FIG4: variants seen among roughly 807,000 people sequenced by gnomAD.
The protein encoded by FIG4 is polyphosphoinositide phosphatase.
FIG4 carries 112 observed loss-of-function variants against 118.6 expected under a neutral mutation model. The ratio of observed to expected loss-of-function variants is 0.94; its 90% CI spans 0.81 to 1.11. The LOEUF (loss-of-function observed/expected upper bound fraction) is 1.11. Ranked by LOEUF, FIG4 falls within the 50% of genes least tolerant of loss-of-function variation. FIG4 has a pLI of 0.00. For synonymous variants in FIG4, 369 were observed against 381.2 expected, an observed-to-expected ratio of 0.97 and a Z score of 0.37; for missense variants, 969 against 1,111.7, an observed-to-expected ratio of 0.87 and a Z score of 1.83.
chr6:109,760,051 A>G (rs1777054314), intron 10 of FIG4, among the ~76,000 whole-genome samples, 199 bp from the exon 11 acceptor site: 4 of 152,186 alleles, frequency 2.6e-5, no homozygotes, highest in African/African-American at 7.2e-5. Context: ...TTCAAAGTTC[A>G]TTAGCTGTTC....
Position 109,743,175 on chromosome 6 carries a change from T to C in FIG4, c.942T>C (p.Thr314=). 1 of 1,612,944 alleles carries C rather than the reference T, an allele frequency of 6.2e-7. No individual in the cohort carries two copies. The highest frequency in any genetic ancestry group is 8.5e-7 in the Non-Finnish European group (1 of 1,179,160). Residue 314 remains threonine (T), a synonymous_variant, in exon 9 of 23, where the codon ACT becomes ACC. Coordinates refer to ENST00000230124, the MANE Select transcript of FIG4 (RefSeq NM_014845.6). ...GCGATGCTTCTGTGATGTCTTTCACTGCAGGAAGTTATTCTTCATATGTAC... is the reference window on the plus strand; with the variant it reads ...GCGATGCTTCTGTGATGTCTTTCACCGCAGGAAGTTATTCTTCATATGTAC... ...ILCDASVMSF[T]AGSYSSYVQV...
intron 15 of FIG4, among the ~76,000 whole-genome samples, chr6:109,771,006 C>T (rs375457272): frequency 1.3e-4 from 20 of 152,110 alleles, no homozygotes; most frequent in Admixed American, 2.0e-4. Flanking sequence ...AGAGGGACAT[C>T]AAAGGGAACA....
intron 15 of FIG4, among the ~76,000 whole-genome samples, chr6:109,775,849 G>A (rs1264774464): frequency 6.6e-6 from 1 of 152,118 alleles, no homozygotes. Context: ...CATTCATTTA[G>A]TTTTGCTGTA....
intron 21 of FIG4, 72 bp downstream of exon 21, chr6:109,792,736 C>CT (rs34998755): frequency 0.02 from 8,524 of 426,544 alleles, 35 homozygotes; most frequent in East Asian, 0.056. Context: ...ACTACTATAC[C>CT]TTTTTTTTTT....
intron 4 of FIG4, among the ~76,000 whole-genome samples, chr6:109,729,403 A>G (rs1775914299): frequency 6.6e-6 from 1 of 152,220 alleles, no homozygotes; most frequent in Admixed American, 6.5e-5. Context: ...CATTACTTTT[A>G]ATCAAGGTAA....
chr6:109,727,286 C>G, intron 4 of FIG4, 21 bp downstream of exon 4: 1 of 1,348,000 alleles, frequency 7.4e-7, no homozygotes, highest in Non-Finnish European at 1.0e-6. Context: ...TGGTAACTAC[C>G]TTTTTTTTTT....
chr6:109,761,345 C>A (rs57368431), intron 11 of FIG4, among the ~76,000 whole-genome samples: 9 of 152,006 alleles, frequency 5.9e-5, no homozygotes, highest in Non-Finnish European at 1.2e-4. Context: ...CATGCACCAC[C>A]GTGCCTGGCT....
At chr6:109,771,193 C>T (rs755161897) in intron 15 of FIG4, among the ~76,000 whole-genome samples, 48 of 152,220 alleles carry the variant, frequency 3.2e-4, no homozygotes, top group Non-Finnish European at 6.0e-4. Flanking sequence ...TGTTAAAGCC[C>T]AACTCTTCAC....
chr6:109,778,909 G>C (rs539905520), intron 16 of FIG4, among the ~76,000 whole-genome samples: 104 of 152,050 alleles, frequency 6.8e-4, no homozygotes, highest in Non-Finnish European at 1.3e-3. Flanking sequence ...TCTTGCAGCT[G>C]TTATTAAGTT....
At chr6:109,737,975 T>C (rs558750742) in intron 6 of FIG4, among the ~76,000 whole-genome samples, 11 of 152,304 alleles carry the variant, frequency 7.2e-5, no homozygotes, top group African/African-American at 2.6e-4. Flanking sequence ...CTCATAGCCC[T>C]GTGCTCAACC....
At chr6:109,702,626 C>T (rs1774938863) in intron 1 of FIG4, among the ~76,000 whole-genome samples, 1 of 151,894 alleles carries the variant, frequency 6.6e-6, no homozygotes, top group South Asian at 2.1e-4. Flanking sequence ...CATGCCTGAT[C>T]TATGGAAATC....
chr6:109,772,804 T>C (rs1283740781), intron 15 of FIG4, among the ~76,000 whole-genome samples: 4 of 152,148 alleles, frequency 2.6e-5, no homozygotes, highest in South Asian at 4.1e-4. Context: ...AACTCAGTGG[T>C]TTAAAACAAT....
intron 10 of FIG4, among the ~76,000 whole-genome samples, chr6:109,751,182 T>C (rs1776683908): frequency 6.6e-6 from 1 of 152,170 alleles, no homozygotes; most frequent in Non-Finnish European, 1.5e-5. Context: ...ATTGTGAAAT[T>C]AATTGTTTTT....
At chr6:109,716,600 T>C (rs1204075524) in intron 3 of FIG4, 32 bp downstream of exon 3, 1 of 1,612,234 alleles carries the variant, frequency 6.2e-7, no homozygotes, top group Non-Finnish European at 8.5e-7. Flanking sequence ...TTACAATCTC[T>C]TGTTTTTTGT....
Position 109,779,362 on chromosome 6 carries a change from T to C in FIG4, c.1889+2302T>C, listed in dbSNP as rs545788796. 6.6e-5 allele frequency among the ~76,000 whole-genome samples: 10 copies of C among 152,246 alleles called. No homozygotes were observed. The South Asian group carries it at 2.1e-3, about 32-fold the overall frequency. On this transcript the variant is annotated intron_variant, in intron 16 of 22. Transcript: ENST00000230124. ...CCTTGAGTTACATCACAAAGGCAGGTGGTTTGAGAGTTTATATGTGGGAAT... is the reference window on the plus strand; with the variant it reads ...CCTTGAGTTACATCACAAAGGCAGGCGGTTTGAGAGTTTATATGTGGGAAT...
At chr6:109,759,436 C>T (rs77742307) in intron 10 of FIG4, among the ~76,000 whole-genome samples, 1 of 151,966 alleles carries the variant, frequency 6.6e-6, no homozygotes, top group African/African-American at 2.4e-5. Flanking sequence ...AGAAAAAAAA[C>T]TCACCATGCT....
chr6:109,760,160 G>C, intron 10 of FIG4, 90 bp from the exon 11 acceptor site: 1 of 1,100,378 alleles, frequency 9.1e-7, no homozygotes. Flanking sequence ...GGATTTTTTT[G>C]TCTTAGCTTA....
Position 109,727,955 on chromosome 6 carries a change from T to C in FIG4, c.446+690T>C, listed in dbSNP as rs1009661039. Among the ~76,000 whole-genome samples the C allele has an allele frequency of 4.7e-4, 71 of 152,266 alleles. 1 individual carries two copies. Among genetic ancestry groups the C allele is most frequent in the African/African-American group, 1.7e-3 (70 of 41,562 alleles). ...CAGACGTGACAACTAAATGCAGATT[T>C]TGGTCGGATTCTGGGTTAAAAGTGC... On this transcript the variant is annotated intron_variant, in intron 4 of 22. Coordinates refer to ENST00000230124, the MANE Select transcript of FIG4 (RefSeq NM_014845.6).
At chr6:109,800,980 A>G (rs1249916358) in intron 22 of FIG4, among the ~76,000 whole-genome samples, 4 of 152,188 alleles carry the variant, frequency 2.6e-5, no homozygotes, top group Non-Finnish European at 5.9e-5. Flanking sequence ...GGGGCCAGGC[A>G]GTGATTCACT....
Sources: gnomAD v4.1 joint callset for allele counts (sites outside exome capture counted in the v4.1 genomes callset) on GRCh38, gnomAD v4.1.1 for gene constraint, MANE v1.5 for transcripts, NCBI Gene and HGNC (gene_info 2026-07-23, HGNC 2026-07-21) for gene names.